Variants in PRKCZ observed in about 807,000 individuals in gnomAD.
PRKCZ encodes protein kinase C zeta.
In PRKCZ, 33 loss-of-function variants were observed where a neutral mutation model predicts 79.5. That is an observed-to-expected ratio of 0.41 (90% CI 0.31 to 0.55). PRKCZ has a LOEUF of 0.55. PRKCZ is among the 20% of genes least tolerant of loss of function. The pLI is 0.19. For missense variants in PRKCZ, 578 were observed against 813.5 expected, an observed-to-expected ratio of 0.71 and a Z score of 3.52; for synonymous variants, 342 against 320.9, an observed-to-expected ratio of 1.07 and a Z score of -0.70.
chr1:2,151,902 T>A (rs1679976898), intron 9 of PRKCZ, among the ~76,000 whole-genome samples: 1 of 152,078 alleles, frequency 6.6e-6, no homozygotes, highest in Non-Finnish European at 1.5e-5. Flanking sequence ...ACGGTTCACC[T>A]CCTGCAGCCT....
chr1:2,146,171 C>A, intron 7 of PRKCZ, 63 bp downstream of exon 7: 1 of 1,485,926 alleles, frequency 6.7e-7, no homozygotes, highest in Non-Finnish European at 9.4e-7. Context: ...CTCACCTCTG[C>A]CTTCTAGCCA....
intron 4 of PRKCZ, among the ~76,000 whole-genome samples, chr1:2,119,063 C>CT (rs71578359): frequency 0.68 from 102,642 of 151,896 alleles, 35,493 homozygotes; most frequent in African/African-American, 0.84. Context: ...ACTTTCCTCC[C>CT]TTTATTATTA....
Position 2,055,751 on chromosome 1 carries a change from C to A in PRKCZ, c.193+189C>A, listed in dbSNP as rs1660100897. On this transcript the variant is annotated intron_variant, in intron 2 of 17. Transcript: ENST00000378567. ...GTTGGCCACAGATGCTTATCAAGGA[C>A]CTGGGCCCAGATGCCCCTAGGAAGG... 12 of 839,480 alleles carry A rather than the reference C, an allele frequency of 1.4e-5. No individual in the cohort carries two copies. In the South Asian group the frequency reaches 2.2e-4, roughly 15 times the overall value. The allele number at this position is 839,480 out of a possible 1,614,324, so 52.0% of individuals were successfully genotyped here. A position where few individuals can be genotyped will look rare whatever the true frequency, so the allele number is the denominator to read the frequency against.
At position 2,176,440 on chromosome 1, in the gene PRKCZ, G is replaced by A. The variant is rs1005817140; in HGVS notation, c.1575+1127G>A. ...GGGAAGCGCAGTCTCCACCTAGGAT[G>A]TTTCCAGCACATGGAGGGTTTATTG... is the stretch of plus-strand genomic sequence containing the variant. On this transcript the variant is annotated intron_variant, in intron 16 of 17. Transcript: ENST00000378567. Among the ~76,000 whole-genome samples the A allele has an allele frequency of 8.3e-4, 127 of 152,320 alleles. 1 individual carries two copies. Among genetic ancestry groups the A allele is most frequent in the Non-Finnish European group, 2.4e-4 (16 of 68,028 alleles).
intron 4 of PRKCZ, among the ~76,000 whole-genome samples, chr1:2,105,409 AT>A (rs1253145265): frequency 2.6e-5 from 4 of 152,040 alleles, no homozygotes; most frequent in Non-Finnish European, 5.9e-5. Context: ...GGCCTTATTT[AT>A]TTATTTTTTG....
Position 2,082,620 on chromosome 1 carries a change from G to A in PRKCZ, c.334+23029G>A, listed in dbSNP as rs1663761349. Among the ~76,000 whole-genome samples, 1 of 152,194 alleles carries A rather than the reference G, an allele frequency of 6.6e-6. No homozygotes were observed. Among genetic ancestry groups the A allele is most frequent in the Admixed American group, 6.5e-5 (1 of 15,276 alleles). ...CCACCACGGCCGATTTCAGGCTGCC[G>A]AAGTGGAGGGGTTCAGTGAAGGTGG... On this transcript the variant is annotated intron_variant, in intron 4 of 17. Transcript: ENST00000378567. This position sits in a 1 kb window ranked among gnomAD's most constrained non-coding sequence, Gnocchi z 4.4.
intron 4 of PRKCZ, among the ~76,000 whole-genome samples, chr1:2,089,822 C>CCGGA (rs1665176368): frequency 6.6e-6 from 1 of 152,156 alleles, no homozygotes; most frequent in Non-Finnish European, 1.5e-5. Context: ...CCCAGCTACT[C>CCGGA]CGGAGGCTGC....
intron 4 of PRKCZ, among the ~76,000 whole-genome samples, chr1:2,089,633 C>CCACAT (rs1465572069): frequency 6.6e-6 from 1 of 152,156 alleles, no homozygotes; most frequent in African/African-American, 2.4e-5. Context: ...TTCCGGAAGG[C>CCACAT]CACAACCTTA....
At chr1:2,167,420 A>C (rs964025121) in intron 10 of PRKCZ, among the ~76,000 whole-genome samples, 1 of 152,102 alleles carries the variant, frequency 6.6e-6, no homozygotes, top group Non-Finnish European at 1.5e-5. Context: ...GTGATAGCTT[A>C]AAGTTAGGAT....
intron 4 of PRKCZ, among the ~76,000 whole-genome samples, chr1:2,133,159 A>C (rs527598263): frequency 1.1e-4 from 16 of 152,286 alleles, no homozygotes; most frequent in Non-Finnish European, 2.1e-4. Flanking sequence ...AGGGTTTCCC[A>C]GGCGCACTGG....
rs1254811330 is a variant in PRKCZ at position 2,173,017 on chromosome 1, G to A, written c.1285+629G>A. 6.6e-6 allele frequency among the ~76,000 whole-genome samples: 1 copy of A among 152,220 alleles called. No homozygotes were observed. Among genetic ancestry groups the A allele is most frequent in the Non-Finnish European group, 1.5e-5 (1 of 68,050 alleles). On this transcript the variant is annotated intron_variant, in intron 13 of 17. Transcript: ENST00000378567. The surrounding 1 kb of genome is among the most constrained non-coding windows in gnomAD (Gnocchi z 5.7). ...CACGCGTGTGCAGCCCTGTGTGCGT[G>A]TGTGCCGTTGGGCTGAGTGTTCGTG...
rs75246334 is a variant in PRKCZ at position 2,060,992 on chromosome 1, A to G, written c.334+1401A>G. On this transcript the variant is annotated intron_variant, in intron 4 of 17. Transcript: ENST00000378567. ...CGGTTCACTGCGTTTTTATAGATACATAAACACATAAATAGGACAGATACT... is the reference window on the plus strand; with the variant it reads ...CGGTTCACTGCGTTTTTATAGATACGTAAACACATAAATAGGACAGATACT... Among the ~76,000 whole-genome samples, 64 of 152,334 alleles carry G rather than the reference A, an allele frequency of 4.2e-4. No homozygotes were observed. In the East Asian group the frequency reaches 0.012, roughly 29 times the overall value.
intron 4 of PRKCZ, among the ~76,000 whole-genome samples, chr1:2,084,046 A>G (rs1304265272): frequency 6.6e-6 from 1 of 152,160 alleles, no homozygotes; most frequent in African/African-American, 2.4e-5. Context: ...AGCCTGGCCA[A>G]TGTGATGAAA....
At chr1:2,095,646 G>A (rs978990623) in intron 4 of PRKCZ, among the ~76,000 whole-genome samples, 6 of 151,816 alleles carry the variant, frequency 4.0e-5, no homozygotes, top group South Asian at 2.1e-4. Flanking sequence ...CCTGTCTCCC[G>A]CAGCCTGGCA....
rs548101513 is a variant in PRKCZ, at chr1:2,073,067, C to T, written c.334+13476C>T. 3.2e-3 allele frequency among the ~76,000 whole-genome samples: 483 copies of T among 152,228 alleles called. 5 individuals are homozygous for T. Among genetic ancestry groups the T allele is most frequent in the Middle Eastern group, 6.8e-3 (2 of 294 alleles). The stretch of plus-strand genomic sequence containing the variant: ...GTTGGAGGGTCAGGCCACCCAGCGG[C>T]GGTGGCGGCTCTGGGTCTCCCTAGG... On this transcript the variant is annotated intron_variant, in intron 4 of 17. Transcript: ENST00000378567.
chr1:2,162,471 A>G lies in PRKCZ; in HGVS notation c.974+6379A>G, dbSNP rs570534296. ...TCATTGGGATTTGTTAAGTTCACAC[A>G]TTACCTGGGGCGAAATTGACATCCT... On this transcript the variant is annotated intron_variant, in intron 10 of 17. Transcript: ENST00000378567. Among the ~76,000 whole-genome samples the G allele has an allele frequency of 5.7e-4, 87 of 152,242 alleles. 2 individuals are homozygous for G. Among genetic ancestry groups the G allele is most frequent in the African/African-American group, 2.0e-3 (85 of 41,550 alleles).
chr1:2,169,296 C>G (rs545712293), intron 10 of PRKCZ: 648 of 588,060 alleles, frequency 1.1e-3, no homozygotes, highest in Middle Eastern at 3.2e-3. Flanking sequence ...GCCGGCGAGG[C>G]CCCCGCATGA....
chr1:2,076,794 T>G (rs1042662806), intron 4 of PRKCZ, among the ~76,000 whole-genome samples: 3 of 151,078 alleles, frequency 2.0e-5, no homozygotes, highest in Non-Finnish European at 2.9e-5. Flanking sequence ...CCTGAACCAG[T>G]CGGTCGTCCA....
intron 9 of PRKCZ, among the ~76,000 whole-genome samples, chr1:2,151,468 C>G (rs1679892870): frequency 6.6e-6 from 1 of 152,210 alleles, no homozygotes; most frequent in Admixed American, 6.5e-5. Flanking sequence ...GTTAGGAAAT[C>G]TCTGGGGTTG....
Sources: allele counts gnomAD v4.1 joint callset (sites outside exome capture counted in the v4.1 genomes callset), GRCh38; gene constraint gnomAD v4.1.1; non-coding constraint Gnocchi (gnomAD v3.1); transcripts MANE v1.5; gene names NCBI Gene and HGNC (gene_info 2026-07-23, HGNC 2026-07-21).